Variants in LMO7 observed in about 807,000 individuals in gnomAD.
LMO7 encodes the protein LIM domain 7.
LMO7 carries 120 observed loss-of-function variants against 206.5 expected under a neutral mutation model. The observed-to-expected ratio is 0.58, with a 90% CI of 0.50 to 0.68. The LOEUF is 0.68. Among genes scored for constraint, LMO7 ranks in the 30% least tolerant of loss-of-function variants. LMO7 has a pLI of 0.00. For missense variants in LMO7, 1,959 were observed against 1,957.9 expected, an observed-to-expected ratio of 1.00 and a Z score of -0.01; for synonymous variants, 706 against 681.5, an observed-to-expected ratio of 1.04 and a Z score of -0.56.
intron 3 of LMO7, among the ~76,000 whole-genome samples, chr13:75,727,439 A>G (rs2044585834): frequency 6.6e-6 from 1 of 152,040 alleles, no homozygotes. Flanking sequence ...TGTATATAGT[A>G]GAAAATTTCA....
intron 2 of LMO7, among the ~76,000 whole-genome samples, chr13:75,630,743 T>G (rs1490733896): frequency 6.6e-6 from 1 of 152,240 alleles, no homozygotes; most frequent in Non-Finnish European, 1.5e-5. Context: ...TTGTTCTATG[T>G]GGCCAAAATT....
intron 1 of LMO7, among the ~76,000 whole-genome samples, chr13:75,699,134 AG>A (rs1307825732): frequency 6.6e-6 from 1 of 152,114 alleles, no homozygotes; most frequent in African/African-American, 2.4e-5. Flanking sequence ...GTATTAGTAC[AG>A]TAGTGTTCCC....
At chr13:75,642,328 G>T (rs1249512622) in intron 1 of LMO7, among the ~76,000 whole-genome samples, 1 of 151,256 alleles carries the variant, frequency 6.6e-6, no homozygotes, top group Non-Finnish European at 1.5e-5. Context: ...GTGTCAGCCA[G>T]ACATGGTGGC....
chr13:75,857,843 A>T (rs1456701032), intron 30 of LMO7, 78 bp from the exon 31 acceptor site: 15 of 936,068 alleles, frequency 1.6e-5, no homozygotes, highest in Non-Finnish European at 2.4e-5. Flanking sequence ...CTGAGTGATG[A>T]CTGCTATGTA....
At chr13:75,711,609 C>G (rs560760232) in intron 1 of LMO7, among the ~76,000 whole-genome samples, 33 of 152,332 alleles carry the variant, frequency 2.2e-4, no homozygotes, top group Non-Finnish European at 3.4e-4. Flanking sequence ...ACGCTCGGTG[C>G]GCTGCACCCC....
chr13:75,765,576 A>C (rs2048756957), intron 4 of LMO7, among the ~76,000 whole-genome samples: 1 of 152,098 alleles, frequency 6.6e-6, no homozygotes, highest in Admixed American at 6.6e-5. Flanking sequence ...TGAAGTGCTT[A>C]CTGGAAGGGA....
chr13:75,849,044 C>G, intron 26 of LMO7, 35 bp from the exon 27 acceptor site: 1 of 1,298,354 alleles, frequency 7.7e-7, no homozygotes, highest in South Asian at 1.3e-5. Context: ...TTAAAAGGTA[C>G]TAATCCCAAA....
At chr13:75,837,416 A>AG (rs1254593368) in intron 19 of LMO7, among the ~76,000 whole-genome samples, 1 of 152,234 alleles carries the variant, frequency 6.6e-6, no homozygotes. Flanking sequence ...TATGACGACT[A>AG]GGGGACTATA....
intron 4 of LMO7, among the ~76,000 whole-genome samples, chr13:75,772,704 T>A (rs2049919805): frequency 6.6e-6 from 1 of 152,060 alleles, no homozygotes; most frequent in Non-Finnish European, 1.5e-5. Flanking sequence ...AAGAAAAACA[T>A]GTTAATGTGT....
chr13:75,743,664 A>G (rs1480745427), intron 3 of LMO7, among the ~76,000 whole-genome samples: 1 of 152,170 alleles, frequency 6.6e-6, no homozygotes, highest in Non-Finnish European at 1.5e-5. Flanking sequence ...ACACGTGGAC[A>G]CAGAGGAGAA....
rs897332307 is a variant in LMO7, at chr13:75,709,873, G to C, written c.70-3309G>C. On this transcript the variant is annotated intron_variant, in intron 1 of 30. Transcript: ENST00000377534. ...GTGTTTTAGACATGAAGTCCTTGCT[G>C]ATGCCTATGTCCTGAATGGTATTGC... Among the ~76,000 whole-genome samples, 654 of 152,024 alleles carry C rather than the reference G, an allele frequency of 4.3e-3. 1 individual carries two copies. The highest frequency in any genetic ancestry group is 0.014 in the African/African-American group (567 of 41,350).
At chr13:75,713,356 T>C (rs1013461187) in intron 2 of LMO7, 104 bp downstream of exon 2, 6 of 698,398 alleles carry the variant, frequency 8.6e-6, no homozygotes, top group South Asian at 2.0e-5. Flanking sequence ...GTCACAGATA[T>C]GTGTTCTTGG....
chr13:75,716,681 G>A (rs1342716506), intron 2 of LMO7, among the ~76,000 whole-genome samples: 1 of 151,928 alleles, frequency 6.6e-6, no homozygotes, highest in East Asian at 1.9e-4. Flanking sequence ...ATTTCTTAGT[G>A]TTCATGTGGA....
intron 2 of LMO7, among the ~76,000 whole-genome samples, chr13:75,717,793 GA>G (rs771531057): frequency 1.5e-4 from 23 of 152,202 alleles, no homozygotes; most frequent in Non-Finnish European, 2.1e-4. Flanking sequence ...TGCTCCATGG[GA>G]AGCCCAGAGG....
At chr13:75,803,207 C>T (rs774951963) in intron 7 of LMO7, among the ~76,000 whole-genome samples, 62 of 152,280 alleles carry the variant, frequency 4.1e-4, no homozygotes, top group Non-Finnish European at 6.5e-4. Flanking sequence ...TACTCTGTCC[C>T]TGTCTCATAG....
chr13:75,792,073 T>G (rs2140645108), intron 4 of LMO7, among the ~76,000 whole-genome samples: 1 of 152,162 alleles, frequency 6.6e-6, no homozygotes, highest in Middle Eastern at 3.4e-3. Flanking sequence ...ATTCAAGAGA[T>G]CCTTCTGCCC....
chr13:75,642,793 T>C (rs1183190758), intron 1 of LMO7, among the ~76,000 whole-genome samples: 2 of 152,174 alleles, frequency 1.3e-5, no homozygotes, highest in African/African-American at 4.8e-5. Context: ...TTAGAAATTG[T>C]TATTTGTATT....
chr13:75,854,773 G>T (rs1321525346), intron 28 of LMO7, among the ~76,000 whole-genome samples: 1 of 152,172 alleles, frequency 6.6e-6, no homozygotes, highest in Non-Finnish European at 1.5e-5. Flanking sequence ...AGAAAACTGG[G>T]TGATCAAGAA....
chr13:75,763,153 A>G (rs1456812212), intron 4 of LMO7, among the ~76,000 whole-genome samples: 2 of 152,142 alleles, frequency 1.3e-5, no homozygotes, highest in Non-Finnish European at 2.9e-5. Flanking sequence ...AGTTTTGCCA[A>G]CCAGGGGATG....
Sources: gnomAD v4.1 joint callset for allele counts (sites outside exome capture counted in the v4.1 genomes callset) on GRCh38, gnomAD v4.1.1 for gene constraint, MANE v1.5 for transcripts, NCBI Gene and HGNC (gene_info 2026-07-23, HGNC 2026-07-21) for gene names.